The following EDDM13 variants were observed in gnomAD, a reference collection of about 807,000 sequenced individuals.
EDDM13 encodes epididymal protein 13.
Under a neutral mutation model 17.8 loss-of-function variants are expected in EDDM13, and 24 were observed. The observed-to-expected ratio is 1.35, with a 90% CI of 0.98 to 1.90. The LOEUF is 1.90. Ranked by LOEUF, EDDM13 falls within the 40% of genes most tolerant of loss-of-function variation. The probability of loss-of-function intolerance (pLI) is 0.00; values close to 1 mark genes in which losing one functional copy is unlikely to be tolerated. For missense variants in EDDM13, 97 were observed against 100.8 expected (o/e 0.96, Z 0.16); for synonymous variants, 31 against 37.5 (o/e 0.83, Z 0.63).
Position 56,310,319 on chromosome 19 carries a change from G to C in EDDM13, c.*171G>C, listed in dbSNP as rs2040957616. The C allele has an allele frequency of 6.6e-6, 1 of 152,242 alleles. No homozygotes were observed. The highest frequency in any genetic ancestry group is 1.5e-5 in the Non-Finnish European group (1 of 68,076). 9.4% of individuals were successfully genotyped at this position (152,242 alleles called of 1,614,324 possible). On this transcript the variant is annotated 3_prime_UTR_variant, in exon 15 of 15. Transcript: ENST00000649256. ...AGGCATGGCCAGAAGGTGTCTGTGG[G>C]GGCCATGCCTTAGGGGGATGCACCC...
rs986264149 is a variant in EDDM13, at chr19:56,310,406, G to T, written c.*258G>T. The stretch of plus-strand genomic sequence containing the variant: ...AAAATCTCTCCTCCAGATCGTTCTC[G>T]AACTTTCCCCACTACTTCCATAATA... On this transcript the variant is annotated 3_prime_UTR_variant, in exon 15 of 15. Transcript: ENST00000649256. 6.6e-6 allele frequency: 1 copy of T among 152,216 alleles called. No homozygotes were observed. The highest frequency in any genetic ancestry group is 1.5e-5 in the Non-Finnish European group (1 of 68,054). The allele number at this position is 152,216 out of a possible 1,614,324, so 9.4% of individuals were successfully genotyped here. A position where few individuals can be genotyped will look rare whatever the true frequency, so the allele number is the denominator to read the frequency against.
chr19:56,307,405 T>C (rs1380215791), intron 14 of EDDM13, among the ~76,000 whole-genome samples: 4 of 152,242 alleles, frequency 2.6e-5, no homozygotes, highest in Admixed American at 6.5e-5. Context: ...AAAACACTTT[T>C]CTACTGAAAT....
chr19:56,302,352 T>G (rs945913312), intron 13 of EDDM13, among the ~76,000 whole-genome samples: 1 of 142,696 alleles, frequency 7.0e-6, no homozygotes, highest in Non-Finnish European at 1.5e-5. Context: ...TCCTCTTCCT[T>G]TTTTCTTCCC....
At chr19:56,287,438 C>T (rs2039209107) in intron 6 of EDDM13, among the ~76,000 whole-genome samples, 1 of 152,210 alleles carries the variant, frequency 6.6e-6, no homozygotes, top group Non-Finnish European at 1.5e-5. Flanking sequence ...TGCGGAGCTA[C>T]ACAGTCTTCT....
chr19:56,309,909 G>A (rs531633920), intron 14 of EDDM13, among the ~76,000 whole-genome samples: 8 of 152,244 alleles, frequency 5.3e-5, no homozygotes, highest in South Asian at 4.1e-4. Context: ...TGAGGGAAGC[G>A]TGTTCCAGCT....
At chr19:56,302,419 C>T (rs1270888556) in intron 13 of EDDM13, among the ~76,000 whole-genome samples, 2 of 140,882 alleles carry the variant, frequency 1.4e-5, no homozygotes, top group African/African-American at 5.5e-5. Flanking sequence ...TCCCTTCATC[C>T]CTCCCTTTCT....
At chr19:56,302,609 C>T (rs2040401202) in intron 13 of EDDM13, among the ~76,000 whole-genome samples, 4 of 95,214 alleles carry the variant, frequency 4.2e-5, no homozygotes, top group South Asian at 4.1e-4. Context: ...TCTTCTTCCT[C>T]TCCCTCTTCC....
At chr19:56,308,341 T>TTTTTTTTTTA (rs71184348) in intron 14 of EDDM13, among the ~76,000 whole-genome samples, 3 of 150,186 alleles carry the variant, frequency 2.0e-5, no homozygotes, top group Admixed American at 6.6e-5. Flanking sequence ...CTTTTTTTTT[T>TTTTTTTTTTA]GAGATGGAGG....
Position 56,296,566 on chromosome 19 carries a change from T to C in EDDM13, c.268+204T>C, listed in dbSNP as rs1484210940. 5.3e-5 allele frequency among the ~76,000 whole-genome samples: 8 copies of C among 152,188 alleles called. No homozygotes were observed. In the South Asian group the frequency reaches 1.7e-3, roughly 31 times the overall value. ...GTTAGCTCTCCTGTACCAAATGTTA[T>C]TCTAGGTGTTAGAGATGCAGCAGAG... On this transcript the variant is annotated intron_variant, in intron 11 of 14. Coordinates refer to ENST00000649256, the MANE Select transcript of EDDM13 (RefSeq NM_001354658.2).
At chr19:56,302,581 C>CCCTTTTCTTCCTCCCCTCTT (rs1679345166) in intron 13 of EDDM13, among the ~76,000 whole-genome samples, 4 of 39,990 alleles carry the variant, frequency 1.0e-4, no homozygotes, top group Admixed American at 3.0e-4. Flanking sequence ...TTCTTCCTCC[C>CCCTTTTCTTCCTCCCCTCTT]CCTTTTCTTC....
At chr19:56,305,003 A>T (rs1016250776) in intron 14 of EDDM13, among the ~76,000 whole-genome samples, 173 bp downstream of exon 14, 1 of 152,170 alleles carries the variant, frequency 6.6e-6, no homozygotes, top group African/African-American at 2.4e-5. Context: ...CTTGCAAGCC[A>T]CTGCCTGACA....
chr19:56,288,360 C>A, intron 6 of EDDM13, among the ~76,000 whole-genome samples, 25 bp from the exon 7 acceptor site: 1 of 152,190 alleles, frequency 6.6e-6, no homozygotes, highest in Admixed American at 6.5e-5. Context: ...TTTCTTCACC[C>A]AGCTAACCCC....
chr19:56,280,911 C>T (rs1044966734), intron 2 of EDDM13, among the ~76,000 whole-genome samples: 2 of 152,182 alleles, frequency 1.3e-5, no homozygotes, highest in East Asian at 1.9e-4. Context: ...ATAACACATA[C>T]ACATTTGACC....
intron 8 of EDDM13, among the ~76,000 whole-genome samples, chr19:56,289,649 T>G (rs1043196610): frequency 2.0e-5 from 3 of 152,182 alleles, no homozygotes; most frequent in East Asian, 1.9e-4. Flanking sequence ...GTTCTCACTT[T>G]GTTGCCCAGG....
chr19:56,279,262 A>G (rs933300713), intron 2 of EDDM13, among the ~76,000 whole-genome samples: 2 of 152,094 alleles, frequency 1.3e-5, no homozygotes, highest in African/African-American at 2.4e-5. Context: ...TCCAAGTCAC[A>G]TGGAAGGGAA....
chr19:56,288,626 G>A (rs938456276), intron 7 of EDDM13, among the ~76,000 whole-genome samples, 188 bp downstream of exon 7: 8 of 152,162 alleles, frequency 5.3e-5, no homozygotes, highest in Non-Finnish European at 1.0e-4. Flanking sequence ...CTTGCGTGAT[G>A]CCCAGCACAC....
In EDDM13 at chr19:56,288,433, C is replaced by T. The variant is rs551086117; in HGVS notation, c.203C>T (p.Pro68Leu). Among the ~76,000 whole-genome samples the T allele has an allele frequency of 3.3e-5, 5 of 152,278 alleles. No individual in the cohort carries two copies. In the East Asian group the frequency reaches 5.8e-4, roughly 18 times the overall value. Residue 68 changes from proline (P) to leucine (L), a missense_variant, in exon 7 of 15, where the codon CCG becomes CTG. Pro to Leu is a moderately conservative substitution (Grantham distance 98). Transcript: ENST00000649256. ...TSLKMPPLVS[P>L]QDRTEEEIKK... ...CTCAAGATGCCTCCCCTGGTGTCCCCGCAAGGTTAGCAACCATCACCCCCT... is the reference window on the plus strand; with the variant it reads ...CTCAAGATGCCTCCCCTGGTGTCCCTGCAAGGTTAGCAACCATCACCCCCT...
At chr19:56,301,650 C>T (rs971602380) in intron 12 of EDDM13, among the ~76,000 whole-genome samples, 4 of 152,164 alleles carry the variant, frequency 2.6e-5, no homozygotes, top group Non-Finnish European at 5.9e-5. Flanking sequence ...TACCCAGCCC[C>T]TATTCAAGAC....
rs529159708 is a variant in EDDM13 at position 56,282,471 on chromosome 19, T to G, written c.110-20T>G. 9.1e-6 allele frequency: 9 copies of G among 985,334 alleles called. No individual in the cohort carries two copies. The South Asian group carries it at 3.3e-4, about 36-fold the overall frequency. The allele number at this position is 985,334 out of a possible 1,614,324, so 61.0% of individuals were successfully genotyped here. ...TGGCTACCATCGGTCCTGTCCTTCCTGCTGCTTGTCTGCCAACAGTGCTGA... is the reference window on the plus strand; with the variant it reads ...TGGCTACCATCGGTCCTGTCCTTCCGGCTGCTTGTCTGCCAACAGTGCTGA... On this transcript the variant is annotated intron_variant, in intron 3 of 14. Coordinates refer to ENST00000649256, the MANE Select transcript of EDDM13 (RefSeq NM_001354658.2).
Sources: gnomAD v4.1 joint callset for allele counts (sites outside exome capture counted in the v4.1 genomes callset) on GRCh38, gnomAD v4.1.1 for gene constraint, MANE v1.5 for transcripts, NCBI Gene and HGNC (gene_info 2026-07-23, HGNC 2026-07-21) for gene names.